Variants in ADAMTS20 observed in about 807,000 individuals in gnomAD.
ADAMTS20 encodes A disintegrin and metalloproteinase with thrombospondin motifs 20.
ADAMTS20 carries 225 observed loss-of-function variants against 260.1 expected under a neutral mutation model. The observed-to-expected ratio is 0.87, with a 90% CI of 0.78 to 0.97. The LOEUF is 0.97. ADAMTS20 is among the 50% of genes least tolerant of loss of function. The pLI is 0.00. For synonymous variants in ADAMTS20, 802 were observed against 769.5 expected, an observed-to-expected ratio of 1.04 and a Z score of -0.70; for missense variants, 2,400 against 2,337.7, an observed-to-expected ratio of 1.03 and a Z score of -0.55.
intron 4 of ADAMTS20, among the ~76,000 whole-genome samples, chr12:43,501,786 C>A (rs1592099928): frequency 6.6e-6 from 1 of 152,086 alleles, no homozygotes; most frequent in African/African-American, 2.4e-5. Flanking sequence ...TATCTTCTCC[C>A]CTCTGTGCAG....
Position 43,356,576 on chromosome 12 carries a change from T to C in ADAMTS20, c.5551A>G (p.Ile1851Val), listed in dbSNP as rs747841783. The C allele has an allele frequency of 1.9e-6, 3 of 1,610,272 alleles. No homozygotes were observed. Among genetic ancestry groups the C allele is most frequent in the South Asian group, 1.1e-5 (1 of 90,278 alleles). Residue 1851 changes from isoleucine (I) to valine (V), a missense_variant, in exon 38 of 39, where the codon ATT (isoleucine) becomes GTT (valine). By Grantham distance (29) the Ile-to-Val change is conservative. Transcript: ENST00000389420. ...TTCATCCCAGTTCCTGACAAATTAA[T>C]GCTAAACTGTCCCTGGATTGTAAAT... is the stretch of plus-strand genomic sequence containing the variant. Reference protein sequence around the residue: ...AFRCPQGQFSINLSGTGMKIS... With the variant: ...AFRCPQGQFSVNLSGTGMKIS...
intron 18 of ADAMTS20, among the ~76,000 whole-genome samples, chr12:43,437,951 A>G (rs1383563948): frequency 6.6e-6 from 1 of 152,222 alleles, no homozygotes; most frequent in Non-Finnish European, 1.5e-5. Flanking sequence ...TATGCTTGAC[A>G]ATATTAAGAC....
chr12:43,520,858 T>C (rs1174225517), intron 3 of ADAMTS20, among the ~76,000 whole-genome samples: 1 of 152,204 alleles, frequency 6.6e-6, no homozygotes, highest in African/African-American at 2.4e-5. Context: ...GCTTCAGAAA[T>C]CAAGTAAGAG....
chr12:43,462,828 A>C, intron 11 of ADAMTS20, 67 bp downstream of exon 11: 2 of 1,317,206 alleles, frequency 1.5e-6, no homozygotes, highest in South Asian at 1.3e-5. Flanking sequence ...ACAGAGTGCT[A>C]AAATGCAGAG....
chr12:43,523,277 T>C (rs1428884377), intron 3 of ADAMTS20, among the ~76,000 whole-genome samples: 1 of 152,058 alleles, frequency 6.6e-6, no homozygotes, highest in Non-Finnish European at 1.5e-5. Context: ...GTGGTAAGAG[T>C]CTTGCATGCA....
chr12:43,538,271 A>T lies in ADAMTS20; in HGVS notation c.454-6076T>A, dbSNP rs569664737. Reference sequence around the variant, plus strand: ...ACTTGCATTTCTCTGATGATCAATGATGTTGAGCATCTTTTCACATGCCTG... The same window carrying T: ...ACTTGCATTTCTCTGATGATCAATGTTGTTGAGCATCTTTTCACATGCCTG... On this transcript the variant is annotated intron_variant, in intron 2 of 38. Coordinates refer to ENST00000389420, the MANE Select transcript of ADAMTS20 (RefSeq NM_025003.5). 5.9e-5 allele frequency among the ~76,000 whole-genome samples: 9 copies of T among 152,320 alleles called. No homozygotes were observed. The East Asian group carries it at 1.7e-3, about 29-fold the overall frequency.
intron 6 of ADAMTS20, 107 bp downstream of exon 6, chr12:43,492,398 A>G: frequency 1.4e-6 from 2 of 1,385,908 alleles, no homozygotes; most frequent in Non-Finnish European, 2.0e-6. Context: ...AAGAAAAAGA[A>G]AAAGAAAAAC....
At chr12:43,444,379 AAAAG>A (rs1941722873) in intron 15 of ADAMTS20, among the ~76,000 whole-genome samples, 1 of 152,142 alleles carries the variant, frequency 6.6e-6, no homozygotes, top group Admixed American at 6.5e-5. Flanking sequence ...AAATCATAAA[AAAAG>A]AAAAAGTTTA....
In ADAMTS20 at chr12:43,469,935, T is replaced by C. The variant is rs373117048; in HGVS notation, c.1118-1230A>G. Among the ~76,000 whole-genome samples the C allele has an allele frequency of 7.9e-5, 12 of 152,276 alleles. No individual in the cohort carries two copies. In the East Asian group the frequency reaches 1.5e-3, roughly 20 times the overall value. On this transcript the variant is annotated intron_variant, in intron 7 of 38. Coordinates refer to ENST00000389420, the MANE Select transcript of ADAMTS20 (RefSeq NM_025003.5). ...TTTTTAATAAAAAGGAAAGATTTGC[T>C]CTCTTTCTGACCACACCATCAAAAG...
At chr12:43,369,075 T>C (rs891919200) in intron 37 of ADAMTS20, among the ~76,000 whole-genome samples, 5 of 152,108 alleles carry the variant, frequency 3.3e-5, no homozygotes, top group Non-Finnish European at 5.9e-5. Flanking sequence ...AGAATCTGTT[T>C]AAAATTATTG....
In ADAMTS20 at chr12:43,430,275, TAAAG is replaced by T. The variant is rs751568883; in HGVS notation, c.3381+73_3381+76del. On this transcript the variant is annotated intron_variant, in intron 23 of 38. Transcript: ENST00000389420. ...ACAAGTTTAAGTGGAAAAAAATAAG[TAAAG>T]AAATAATTTTAACACATCAATAATC... 712 of 1,467,788 alleles carry T rather than the reference TAAAG, an allele frequency of 4.9e-4. 1 individual carries two copies. The highest frequency in any genetic ancestry group is 6.3e-4 in the Non-Finnish European group (691 of 1,098,616). The allele number at this position is 1,467,788 out of a possible 1,614,324, so 90.9% of individuals were successfully genotyped here.
At chr12:43,421,290 A>AAAAAC (rs1555176946) in intron 28 of ADAMTS20, among the ~76,000 whole-genome samples, 1 of 150,794 alleles carries the variant, frequency 6.6e-6, no homozygotes, top group African/African-American at 2.5e-5. Flanking sequence ...TACAAAAAAA[A>AAAAAC]AAAAAAAACT....
chr12:43,521,109 AAAGTTAAT>A (rs1207703618), intron 3 of ADAMTS20, among the ~76,000 whole-genome samples: 5 of 152,236 alleles, frequency 3.3e-5, no homozygotes, highest in Non-Finnish European at 7.3e-5. Flanking sequence ...GTAAGGTTAA[AAAGTTAAT>A]AAGTTAAAAA....
rs548525312 is a variant in ADAMTS20, at chr12:43,530,127, C to T, written c.613+1909G>A. 4.6e-5 allele frequency among the ~76,000 whole-genome samples: 7 copies of T among 152,040 alleles called. No homozygotes were observed. The East Asian group carries it at 1.4e-3, about 29-fold the overall frequency. Reference sequence around the variant, plus strand: ...ATGAAATTACGTAGCTTTCTATTTGCTTTTTATTTGTAGCTTTCTAGTAAA... The same window carrying T: ...ATGAAATTACGTAGCTTTCTATTTGTTTTTTATTTGTAGCTTTCTAGTAAA... On this transcript the variant is annotated intron_variant, in intron 3 of 38. Coordinates refer to ENST00000389420, the MANE Select transcript of ADAMTS20 (RefSeq NM_025003.5).
At chr12:43,429,848 T>C in intron 23 of ADAMTS20, 124 bp from the exon 24 acceptor site, 1 of 610,314 alleles carries the variant, frequency 1.6e-6, no homozygotes, top group Non-Finnish European at 2.7e-6. Flanking sequence ...ATTGGTAATA[T>C]GAATGTTTTC....
intron 2 of ADAMTS20, among the ~76,000 whole-genome samples, chr12:43,537,561 A>G (rs1319148027): frequency 6.6e-6 from 1 of 152,164 alleles, no homozygotes; most frequent in Non-Finnish European, 1.5e-5. Context: ...AAAATATACA[A>G]TTAAATTATT....
At chr12:43,408,773 T>C (rs1319846418) in intron 28 of ADAMTS20, among the ~76,000 whole-genome samples, 1 of 152,224 alleles carries the variant, frequency 6.6e-6, no homozygotes, top group Non-Finnish European at 1.5e-5. Context: ...TACACAAAAT[T>C]AACTATTTGT....
chr12:43,467,054 C>A (rs1942167588), intron 8 of ADAMTS20, among the ~76,000 whole-genome samples: 2 of 151,896 alleles, frequency 1.3e-5, no homozygotes, highest in Non-Finnish European at 2.9e-5. Context: ...CACCTCATCA[C>A]AATATGGACC....
chr12:43,353,469 A>G (rs935702505), downstream of ADAMTS20, among the ~76,000 whole-genome samples: 7 of 152,032 alleles, frequency 4.6e-5, no homozygotes, highest in Non-Finnish European at 8.8e-5. Flanking sequence ...AAAACAATGT[A>G]TTGTTCTTAT....
Sources: allele counts gnomAD v4.1 joint callset (sites outside exome capture counted in the v4.1 genomes callset), GRCh38; gene constraint gnomAD v4.1.1; transcripts MANE v1.5; gene names NCBI Gene and HGNC (gene_info 2026-07-23, HGNC 2026-07-21).